DPP10: variants seen among roughly 807,000 people sequenced by gnomAD.
DPP10 encodes the protein inactive dipeptidyl peptidase 10.
A neutral mutation model predicts 120.9 loss-of-function variants in DPP10; 33 were observed. That is an observed-to-expected ratio of 0.27 (90% confidence interval 0.21 to 0.37). The LOEUF (loss-of-function observed/expected upper bound fraction) is 0.37. Among genes scored for constraint, DPP10 ranks in the 10% least tolerant of loss-of-function variants. DPP10 has a pLI of 1.00. For synonymous variants in DPP10, 337 were observed against 326.1 expected (o/e 1.03, Z -0.36); for missense variants, 816 against 942.8 (o/e 0.87, Z 1.76).
chr2:114,890,482 A>C (rs1308148577), intron 1 of DPP10, among the ~76,000 whole-genome samples: 1 of 152,198 alleles, frequency 6.6e-6, no homozygotes, highest in African/African-American at 2.4e-5. Flanking sequence ...TAGAACATAC[A>C]CAATAGGTAA....
intron 1 of DPP10, among the ~76,000 whole-genome samples, chr2:115,205,154 A>G (rs1165814138): frequency 2.6e-5 from 4 of 152,126 alleles, no homozygotes; most frequent in Admixed American, 1.3e-4. Context: ...ACTTAGTCAT[A>G]GATTCTTTGC....
At chr2:114,611,353 T>C (rs1454946171) in intron 1 of DPP10, among the ~76,000 whole-genome samples, 1 of 152,246 alleles carries the variant, frequency 6.6e-6, no homozygotes, top group Non-Finnish European at 1.5e-5. Flanking sequence ...TTTCTTCCTT[T>C]GTAGTGTTTA....
intron 1 of DPP10, among the ~76,000 whole-genome samples, chr2:114,510,746 T>C (rs1684074687): frequency 6.6e-6 from 1 of 151,830 alleles, no homozygotes; most frequent in African/African-American, 2.4e-5. Context: ...TTTGAGACAT[T>C]CATTGGTTTT....
chr2:115,387,783 A>AT (rs2067049388), intron 3 of DPP10, among the ~76,000 whole-genome samples: 1 of 152,190 alleles, frequency 6.6e-6, no homozygotes. Flanking sequence ...TCAGTGGCTA[A>AT]AGGTAAATAT....
At chr2:114,721,400 A>C (rs1263180630) in intron 1 of DPP10, among the ~76,000 whole-genome samples, 5 of 152,212 alleles carry the variant, frequency 3.3e-5, no homozygotes, top group Non-Finnish European at 5.9e-5. Flanking sequence ...TTTAATTTTT[A>C]ATTTGGCTAT....
rs60681175 is a variant in DPP10, at chr2:115,674,344, G to A, written c.442-15343G>A. 4.3e-3 allele frequency among the ~76,000 whole-genome samples: 644 copies of A among 150,744 alleles called. 6 individuals are homozygous for A. The highest frequency in any genetic ancestry group is 0.015 in the African/African-American group (620 of 41,248). The stretch of plus-strand genomic sequence containing the variant: ...ATGGCTTTTGGAATCAAGCACAAGT[G>A]GGCACAGAAATAAAGAAAACAGGCC... On this transcript the variant is annotated intron_variant, in intron 5 of 25. Transcript: ENST00000410059.
At chr2:115,429,922 T>G (rs1321614745) in intron 3 of DPP10, among the ~76,000 whole-genome samples, 1 of 152,170 alleles carries the variant, frequency 6.6e-6, no homozygotes, top group Non-Finnish European at 1.5e-5. Flanking sequence ...ATGAGCAACC[T>G]GGAGCGTGTT....
chr2:114,646,938 G>A (rs553832342), intron 1 of DPP10, among the ~76,000 whole-genome samples: 1 of 152,290 alleles, frequency 6.6e-6, no homozygotes, highest in East Asian at 1.9e-4. Context: ...TTATCAAGGA[G>A]GAAACTGAAA....
At chr2:115,012,908 C>A (rs965636565) in intron 1 of DPP10, among the ~76,000 whole-genome samples, 1 of 152,090 alleles carries the variant, frequency 6.6e-6, no homozygotes, top group African/African-American at 2.4e-5. Flanking sequence ...AAACTTAAAT[C>A]AAAAACATGA....
At chr2:114,764,760 C>A (rs887805100) in intron 1 of DPP10, among the ~76,000 whole-genome samples, 1 of 151,932 alleles carries the variant, frequency 6.6e-6, no homozygotes, top group Non-Finnish European at 1.5e-5. Context: ...TTAAATAAAC[C>A]ACCAGTTAGA....
intron 3 of DPP10, among the ~76,000 whole-genome samples, chr2:115,402,939 A>ATGTG (rs548981394): frequency 3.7e-5 from 5 of 133,512 alleles, no homozygotes; most frequent in Non-Finnish European, 6.1e-5. Flanking sequence ...GTATATATAT[A>ATGTG]TGTGTGTGTG....
chr2:115,402,856 T>TATATATAG (rs2068184903), intron 3 of DPP10, among the ~76,000 whole-genome samples: 1 of 74,332 alleles, frequency 1.3e-5, no homozygotes, highest in Non-Finnish European at 2.6e-5. Context: ...AAAAAAAAAA[T>TATATATAG]ATATATATAT....
At chr2:114,602,967 G>C (rs1269878299) in intron 1 of DPP10, among the ~76,000 whole-genome samples, 2 of 151,928 alleles carry the variant, frequency 1.3e-5, no homozygotes, top group Non-Finnish European at 2.9e-5. Flanking sequence ...ATATGTAATG[G>C]GATACATAAT....
chr2:115,621,119 T>C (rs1446770291), intron 5 of DPP10, among the ~76,000 whole-genome samples: 1 of 152,198 alleles, frequency 6.6e-6, no homozygotes, highest in Non-Finnish European at 1.5e-5. Context: ...AGGTCCAAAC[T>C]CCAAATGCAG....
chr2:114,560,666 T>C (rs888973197), intron 1 of DPP10, among the ~76,000 whole-genome samples: 8 of 152,056 alleles, frequency 5.3e-5, no homozygotes, highest in Non-Finnish European at 8.8e-5. Context: ...TCACCACCTC[T>C]CCACACAAGC....
chr2:114,860,759 T>C (rs1251051242), intron 1 of DPP10, among the ~76,000 whole-genome samples: 3 of 152,190 alleles, frequency 2.0e-5, no homozygotes, highest in Non-Finnish European at 2.9e-5. Context: ...CATCTTTATT[T>C]TTCCCTATTG....
intron 1 of DPP10, among the ~76,000 whole-genome samples, chr2:114,788,980 T>C (rs1362619698): frequency 2.0e-5 from 3 of 152,138 alleles, no homozygotes; most frequent in African/African-American, 7.2e-5. Flanking sequence ...GATGATGATA[T>C]CAACTCCAAG....
At chr2:115,568,047 G>A (rs543721968) in intron 5 of DPP10, among the ~76,000 whole-genome samples, 7 of 152,068 alleles carry the variant, frequency 4.6e-5, no homozygotes, top group Non-Finnish European at 8.8e-5. Flanking sequence ...GCATAGTGGC[G>A]CAAGCCTGTA....
intron 1 of DPP10, among the ~76,000 whole-genome samples, chr2:114,613,284 G>A (rs907017492): frequency 2.0e-5 from 3 of 152,120 alleles, no homozygotes; most frequent in Non-Finnish European, 4.4e-5. Context: ...TTAAGTTAAT[G>A]GGGAAGATAT....
Sources: gnomAD v4.1 joint callset for allele counts (sites outside exome capture counted in the v4.1 genomes callset) on GRCh38, gnomAD v4.1.1 for gene constraint, MANE v1.5 for transcripts, NCBI Gene and HGNC (gene_info 2026-07-23, HGNC 2026-07-21) for gene names.